PCNX1: variants seen among roughly 807,000 people sequenced by gnomAD.
PCNX1 encodes pecanex 1.
In PCNX1, 78 loss-of-function variants were observed where a neutral mutation model predicts 242.2. The ratio of observed to expected loss-of-function variants is 0.32; its 90% CI spans 0.27 to 0.39. The LOEUF (loss-of-function observed/expected upper bound fraction) is 0.39. Among genes scored for constraint, PCNX1 ranks in the 10% least tolerant of loss-of-function variants. PCNX1 has a pLI of 1.00. For missense variants in PCNX1, 2,581 were observed against 2,856.5 expected, an observed-to-expected ratio of 0.90 and a Z score of 2.20; for synonymous variants, 1,024 against 1,032.9, an observed-to-expected ratio of 0.99 and a Z score of 0.17.
chr14:70,929,026 G>A (rs896068064), intron 1 of PCNX1, among the ~76,000 whole-genome samples: 1 of 152,104 alleles, frequency 6.6e-6, no homozygotes, highest in Admixed American at 6.5e-5. Flanking sequence ...TATCTATAAA[G>A]TTTAGATTGT....
At chr14:71,091,208 T>A (rs2062120670) in intron 30 of PCNX1, among the ~76,000 whole-genome samples, 1 of 152,184 alleles carries the variant, frequency 6.6e-6, no homozygotes, top group Admixed American at 6.5e-5. Flanking sequence ...AACAGCCATA[T>A]ATTGATCGTC....
intron 27 of PCNX1, 90 bp downstream of exon 27, chr14:71,073,888 T>G: frequency 1.1e-6 from 1 of 871,502 alleles, no homozygotes; most frequent in Non-Finnish European, 1.6e-6. Flanking sequence ...TATATACTTT[T>G]TTTTAACGTA....
chr14:71,096,992 C>T (rs1364882665), intron 30 of PCNX1, among the ~76,000 whole-genome samples: 1 of 152,118 alleles, frequency 6.6e-6, no homozygotes, highest in African/African-American at 2.4e-5. Flanking sequence ...GTACCTCCCT[C>T]CTCCTCCCCA....
chr14:71,101,930 G>A (rs771479820), intron 30 of PCNX1, 60 bp from the exon 31 acceptor site: 3 of 912,466 alleles, frequency 3.3e-6, no homozygotes, highest in Non-Finnish European at 4.9e-6. Flanking sequence ...CTTAGTAACT[G>A]TAGAAGTTAT....
chr14:71,062,987 G>A lies in PCNX1; in HGVS notation c.4852+5263G>A, dbSNP rs561691608. 2.0e-5 allele frequency among the ~76,000 whole-genome samples: 3 copies of A among 152,256 alleles called. No individual in the cohort carries two copies. In the South Asian group the frequency reaches 6.2e-4, roughly 32 times the overall value. Reference sequence around the variant, plus strand: ...TGCTGTACAGGTGTGTTTAACCTAGGAGCAATAGGCTATATTATATAGCCA... The same window carrying A: ...TGCTGTACAGGTGTGTTTAACCTAGAAGCAATAGGCTATATTATATAGCCA... On this transcript the variant is annotated intron_variant, in intron 26 of 35. Coordinates refer to ENST00000304743, the MANE Select transcript of PCNX1 (RefSeq NM_014982.3).
intron 1 of PCNX1, among the ~76,000 whole-genome samples, chr14:70,946,653 T>C (rs945376964): frequency 3.9e-5 from 6 of 152,258 alleles, no homozygotes; most frequent in African/African-American, 1.4e-4. Context: ...TTTACATTTT[T>C]TATATTGAAT....
chr14:70,972,980 G>A (rs1317637813), intron 5 of PCNX1, among the ~76,000 whole-genome samples: 4 of 152,092 alleles, frequency 2.6e-5, no homozygotes, highest in African/African-American at 4.8e-5. Context: ...AGCTGGGTGC[G>A]GTGACTTACC....
intron 1 of PCNX1, among the ~76,000 whole-genome samples, chr14:70,936,715 C>T (rs2057020094): frequency 6.6e-6 from 1 of 152,214 alleles, no homozygotes; most frequent in East Asian, 1.9e-4. Context: ...ACACTGTCTT[C>T]CACAATGGTT....
chr14:70,908,705 T>C (rs2055689169), intron 1 of PCNX1, among the ~76,000 whole-genome samples: 1 of 152,114 alleles, frequency 6.6e-6, no homozygotes. Context: ...CTGGCCTCCC[T>C]GGGGGGAGGG....
In PCNX1 at chr14:70,907,770, G is replaced by GGGCGGGGC. The variant is rs2055622051; in HGVS notation, c.-81_-80insGGCGGGGC. 8.4e-7 allele frequency: 1 copy of GGGCGGGGC among 1,190,506 alleles called. No individual in the cohort carries two copies. Among genetic ancestry groups the GGGCGGGGC allele is most frequent in the African/African-American group, 1.6e-5 (1 of 62,042 alleles). The allele number at this position is 1,190,506 out of a possible 1,614,324, so 73.7% of individuals were successfully genotyped here. On this transcript the variant is annotated 5_prime_UTR_variant, in exon 1 of 36. Transcript: ENST00000304743. The stretch of plus-strand genomic sequence containing the variant: ...AGGTGGATAGACGGGGCAGCTGCAG[G>GGGCGGGGC]CTCCGGCGACCGAGGCCGAGCTGGG...
At chr14:71,073,822 T>C in intron 27 of PCNX1, 24 bp downstream of exon 27, 1 of 1,522,190 alleles carries the variant, frequency 6.6e-7, no homozygotes, top group South Asian at 1.4e-5. Context: ...CCTACTTAGA[T>C]CTTTAGATAA....
chr14:71,065,287 C>T (rs1237685939), intron 26 of PCNX1, among the ~76,000 whole-genome samples: 1 of 152,152 alleles, frequency 6.6e-6, no homozygotes, highest in Non-Finnish European at 1.5e-5. Flanking sequence ...TCTGTTGTTT[C>T]CTGATTTTTT....
intron 1 of PCNX1, among the ~76,000 whole-genome samples, chr14:70,944,250 G>A (rs1178658233): frequency 6.6e-6 from 1 of 152,214 alleles, no homozygotes; most frequent in Non-Finnish European, 1.5e-5. Context: ...CAGCCAGGAG[G>A]GGAGCTGTAC....
chr14:70,957,532 A>G (rs2058040336), intron 2 of PCNX1, among the ~76,000 whole-genome samples: 1 of 152,190 alleles, frequency 6.6e-6, no homozygotes, highest in South Asian at 2.1e-4. Context: ...ACAAAACATC[A>G]CATATGATTC....
chr14:70,952,106 C>T (rs1321788917), intron 2 of PCNX1, among the ~76,000 whole-genome samples: 1 of 152,094 alleles, frequency 6.6e-6, no homozygotes, highest in Non-Finnish European at 1.5e-5. Flanking sequence ...TAATGGAACT[C>T]TCTCATAGGA....
At position 71,114,998 on chromosome 14, in the gene PCNX1, A is replaced by C. The variant is rs2062830145; in HGVS notation, c.*5063A>C. 1 of 149,530 alleles carries C rather than the reference A, an allele frequency of 6.7e-6. No homozygotes were observed. The highest frequency in any genetic ancestry group is 2.5e-5 in the African/African-American group (1 of 40,594). 9.3% of individuals were successfully genotyped at this position (149,530 alleles called of 1,614,324 possible). A position where few individuals can be genotyped will look rare whatever the true frequency, so the allele number is the denominator to read the frequency against. ...ATGCTTTTTAAAAGCTTATAGTTTA[A>C]GTAAAAGTAAAATGTAAAAACTGAT... On this transcript the variant is annotated 3_prime_UTR_variant, in exon 36 of 36. Transcript: ENST00000304743.
At chr14:70,916,414 A>G (rs1341211225) in intron 1 of PCNX1, among the ~76,000 whole-genome samples, 1 of 152,214 alleles carries the variant, frequency 6.6e-6, no homozygotes, top group Non-Finnish European at 1.5e-5. Context: ...AATGAAGACG[A>G]AAAAAGAGCC....
At chr14:71,098,717 T>C (rs2062377529) in intron 30 of PCNX1, among the ~76,000 whole-genome samples, 1 of 152,200 alleles carries the variant, frequency 6.6e-6, no homozygotes, top group Non-Finnish European at 1.5e-5. Context: ...CAGAGTCTTC[T>C]GGGTTCCCTA....
At chr14:71,039,025 G>A (rs968337602) in intron 19 of PCNX1, among the ~76,000 whole-genome samples, 7 of 151,382 alleles carry the variant, frequency 4.6e-5, no homozygotes, top group African/African-American at 1.2e-4. Context: ...TGAACAATGA[G>A]ATCACATGGA....
Sources: gnomAD v4.1 joint callset for allele counts (sites outside exome capture counted in the v4.1 genomes callset) on GRCh38, gnomAD v4.1.1 for gene constraint, MANE v1.5 for transcripts, NCBI Gene and HGNC (gene_info 2026-07-23, HGNC 2026-07-21) for gene names.